The following PUS1 variants were observed in gnomAD, a reference collection of about 807,000 sequenced individuals.
PUS1 encodes the protein pseudouridine synthase 1, also known as pseudouridylate synthase 1 homolog.
Under a neutral mutation model 38.5 loss-of-function variants are expected in PUS1, and 25 were observed. That is an observed-to-expected ratio of 0.65 (90% CI 0.47 to 0.91). The LOEUF (loss-of-function observed/expected upper bound fraction) is 0.91, where lower values mean the gene tolerates loss of function less well. PUS1 is among the 40% of genes least tolerant of loss of function. The pLI is 0.00. For synonymous variants in PUS1, 282 were observed against 260.4 expected (o/e 1.08, Z -0.80); for missense variants, 597 against 612.3 (o/e 0.97, Z 0.26).
chr12:131,937,029 G>A lies in PUS1; in HGVS notation c.442-2144G>A, dbSNP rs538553747. On this transcript the variant is annotated intron_variant, in intron 3 of 5. Coordinates refer to ENST00000376649, the MANE Select transcript of PUS1 (RefSeq NM_025215.6). ...TTCTCACTTCAGCTTCTACAGAGTG[G>A]TTGGCAATGAGATGTATTTTCTTTC... is the stretch of plus-strand genomic sequence containing the variant. Among the ~76,000 whole-genome samples, 6 of 152,294 alleles carry A rather than the reference G, an allele frequency of 3.9e-5. No homozygotes were observed. In the East Asian group the frequency reaches 1.2e-3, roughly 29 times the overall value.
At chr12:131,935,093 AGGG>A (rs1402726386) in intron 3 of PUS1, among the ~76,000 whole-genome samples, 1 of 145,448 alleles carries the variant, frequency 6.9e-6, no homozygotes, top group Non-Finnish European at 1.5e-5. Flanking sequence ...GAACACAAAG[AGGG>A]ATCCACAAGT....
Position 131,930,120 on chromosome 12 carries a change from C to T in PUS1, c.288C>T (p.Gly96=). 7.0e-7 allele frequency: 1 copy of T among 1,426,972 alleles called. No individual in the cohort carries two copies. Among genetic ancestry groups the T allele is most frequent in the East Asian group, 2.7e-5 (1 of 36,410 alleles). The allele number at this position is 1,426,972 out of a possible 1,614,324, so 88.4% of individuals were successfully genotyped here. A position where few individuals can be genotyped will look rare whatever the true frequency, so the allele number is the denominator to read the frequency against. Residue 96 remains glycine (G), a synonymous_variant, in exon 2 of 6, where the codon GGC becomes GGT. Transcript: ENST00000376649. ...TGCTCATGGCCTATTCGGGCAAGGG[C>T]TACCACGGCATGCAGGTGTGGCCGC... ...IVLLMAYSGK[G]YHGMQRNVGS... is the part of the protein sequence containing the mutation.
intron 2 of PUS1, 56 bp from the exon 3 acceptor site, chr12:131,932,119 A>T (rs778354744): frequency 7.1e-6 from 11 of 1,542,916 alleles, no homozygotes; most frequent in Non-Finnish European, 9.8e-6. Context: ...CCTGGGCAAC[A>T]TCATGGCGAC....
chr12:131,940,990 A>C, intron 4 of PUS1: 1 of 458,164 alleles, frequency 2.2e-6, no homozygotes, highest in Non-Finnish European at 4.0e-6. Flanking sequence ...CCATCACTCC[A>C]AGCATGTATC....
At chr12:131,932,631 G>T in intron 3 of PUS1, 1 of 480,260 alleles carries the variant, frequency 2.1e-6, no homozygotes, top group Non-Finnish European at 3.8e-6. Flanking sequence ...CCTCCAATCA[G>T]GCTCACTCTG....
chr12:131,932,185 G>C lies in PUS1; in HGVS notation c.314G>C (p.Gly105Ala), dbSNP rs764547759. The change falls in exon 3 of 6, where the codon GGG becomes GCG. Residue 105 changes from glycine (G) to alanine (A), a missense_variant. Gly to Ala is a moderately conservative substitution (Grantham distance 60). Transcript: ENST00000376649. ...GTCTCCTTTTTCCAGAGGAATGTCG[G>C]GTCCTCACAATTCAAAACAATTGAA... Reference protein sequence around the residue: ...KGYHGMQRNVGSSQFKTIEDD... With the variant: ...KGYHGMQRNVASSQFKTIEDD... The C allele has an allele frequency of 6.2e-7, 1 of 1,614,022 alleles. No individual in the cohort carries two copies. The highest frequency in any genetic ancestry group is 8.5e-7 in the Non-Finnish European group (1 of 1,179,916).
chr12:131,935,953 G>A (rs1890808317), intron 3 of PUS1, among the ~76,000 whole-genome samples: 1 of 152,072 alleles, frequency 6.6e-6, no homozygotes, highest in Admixed American at 6.6e-5. Context: ...GCTCACGCCT[G>A]TAATTCCAGC....
At position 131,943,683 on chromosome 12, in the gene PUS1, A is replaced by G; in HGVS notation, c.*97A>G. 1 of 1,035,224 alleles carries G rather than the reference A, an allele frequency of 9.7e-7. No homozygotes were observed. The highest frequency in any genetic ancestry group is 1.5e-6 in the Non-Finnish European group (1 of 662,948). The allele number at this position is 1,035,224 out of a possible 1,614,324, so 64.1% of individuals were successfully genotyped here. A position where few individuals can be genotyped will look rare whatever the true frequency, so the allele number is the denominator to read the frequency against. On this transcript the variant is annotated 3_prime_UTR_variant, in exon 6 of 6. Coordinates refer to ENST00000376649, the MANE Select transcript of PUS1 (RefSeq NM_025215.6). ...GGCAGCAAGAAGCTGGGATCGCTGC[A>G]GCCATGTTTTCCCGGCCATGCCGGC...
intron 5 of PUS1, 116 bp from the exon 6 acceptor site, chr12:131,943,423 T>C (rs1891174426): frequency 2.4e-6 from 2 of 837,088 alleles, no homozygotes; most frequent in African/African-American, 1.7e-5. Context: ...CTGCTCCTGA[T>C]GAGGGAGTGG....
At chr12:131,936,789 T>C (rs529480021) in intron 3 of PUS1, among the ~76,000 whole-genome samples, 2 of 151,892 alleles carry the variant, frequency 1.3e-5, no homozygotes, top group Non-Finnish European at 2.9e-5. Flanking sequence ...CCTGGGAGGC[T>C]GAGGCAGGAG....
intron 3 of PUS1, chr12:131,934,858 A>G (rs1427920583): frequency 6.6e-6 from 1 of 152,254 alleles, no homozygotes. Context: ...GGGGCCTATC[A>G]GAGACATAAC....
chr12:131,941,340 C>T lies in PUS1; in HGVS notation c.593C>T (p.Ala198Val). ...TTTAACTCCAAGAACAGATGTGATG[C>T]CAGGACCTATTGCTACCTGCTGCCC... ...GGFNSKNRCD[A>V]RTYCYLLPTF... is the part of the protein sequence containing the mutation. Residue 198 changes from alanine to valine, a missense_variant, in exon 5 of 6, where the codon GCC becomes GTC. Physicochemically the swap from Ala to Val is moderately conservative, Grantham distance 64. Coordinates refer to ENST00000376649, the MANE Select transcript of PUS1 (RefSeq NM_025215.6). The surrounding 1 kb of genome is among the most constrained non-coding windows in gnomAD (Gnocchi z 4.4). 1 of 1,614,208 alleles carries T rather than the reference C, an allele frequency of 6.2e-7. No homozygotes were observed. Among genetic ancestry groups the T allele is most frequent in the Non-Finnish European group, 8.5e-7 (1 of 1,180,044 alleles).
At chr12:131,942,578 T>C (rs1891131608) in intron 5 of PUS1, among the ~76,000 whole-genome samples, 1 of 152,120 alleles carries the variant, frequency 6.6e-6, no homozygotes, top group Non-Finnish European at 1.5e-5. Flanking sequence ...GGCTCATTTT[T>C]TGTATTTTTA....
At chr12:131,932,606 A>G (rs1005850919) in intron 3 of PUS1, 1 of 525,310 alleles carries the variant, frequency 1.9e-6, no homozygotes, top group Non-Finnish European at 3.5e-6. Flanking sequence ...GGCGGCCGCA[A>G]TGTCTGCTTT....
At chr12:131,942,649 A>C (rs562485062) in intron 5 of PUS1, among the ~76,000 whole-genome samples, 1 of 151,932 alleles carries the variant, frequency 6.6e-6, no homozygotes, top group African/African-American at 2.4e-5. Context: ...CTTGTGATCC[A>C]CCCGCCTTGG....
At position 131,940,589 on chromosome 12, in the gene PUS1, A is replaced by T. The variant is rs535201201; in HGVS notation, c.545-703A>T. On this transcript the variant is annotated intron_variant, in intron 4 of 5. Transcript: ENST00000376649. ...GTTAAGTTTTTGTTTTTATTTTTAT[A>T]TTTTTTATGATGGAGTCTTGTTCTG... Among the ~76,000 whole-genome samples, 39 of 152,016 alleles carry T rather than the reference A, an allele frequency of 2.6e-4. No individual in the cohort carries two copies. In the South Asian group the frequency reaches 5.8e-3, roughly 23 times the overall value.
In PUS1 at chr12:131,944,809, G is replaced by C. The variant is rs1891231659; in HGVS notation, c.*1223G>C. Reference sequence around the variant, plus strand: ...TGGAGCTTACTGGAAGACCCCACCAGCCGCTGCTGCACGTCATTGGTCACA... The same window carrying C: ...TGGAGCTTACTGGAAGACCCCACCACCCGCTGCTGCACGTCATTGGTCACA... On this transcript the variant is annotated 3_prime_UTR_variant, in exon 6 of 6. Coordinates refer to ENST00000376649, the MANE Select transcript of PUS1 (RefSeq NM_025215.6). The C allele has an allele frequency of 6.6e-6, 1 of 152,352 alleles. No individual in the cohort carries two copies. Among genetic ancestry groups the C allele is most frequent in the East Asian group, 1.9e-4 (1 of 5,204 alleles). 9.4% of individuals were successfully genotyped at this position (152,352 alleles called of 1,614,324 possible).
At chr12:131,934,248 C>A in intron 3 of PUS1, among the ~76,000 whole-genome samples, 1 of 152,206 alleles carries the variant, frequency 6.6e-6, no homozygotes, top group East Asian at 1.9e-4. Flanking sequence ...GCGGGCAGGC[C>A]TGGGTAATGT....
intron 3 of PUS1, 48 bp downstream of exon 3, chr12:131,932,360 G>A (rs553780264): frequency 1.0e-4 from 161 of 1,606,824 alleles, no homozygotes; most frequent in East Asian, 9.8e-4. Context: ...TGAGCAGCAC[G>A]TGGCCCACTT....
Sources: gnomAD v4.1 joint callset for allele counts (sites outside exome capture counted in the v4.1 genomes callset) on GRCh38, gnomAD v4.1.1 for gene constraint, Gnocchi (gnomAD v3.1) non-coding constraint, MANE v1.5 for transcripts, NCBI Gene and HGNC (gene_info 2026-07-23, HGNC 2026-07-21) for gene names.